TENT4A: variants seen among roughly 807,000 people sequenced by gnomAD.
TENT4A encodes terminal nucleotidyltransferase 4A.
A neutral mutation model predicts 72.8 loss-of-function variants in TENT4A; 7 were observed. The ratio of observed to expected loss-of-function variants is 0.10; its 90% CI spans 0.05 to 0.18. TENT4A has a LOEUF of 0.18. Among genes scored for constraint, TENT4A ranks in the 10% least tolerant of loss-of-function variants. The probability of loss-of-function intolerance (pLI) is 1.00; values close to 1 mark genes in which losing one functional copy is unlikely to be tolerated. For missense variants in TENT4A, 831 were observed against 1,017.7 expected (o/e 0.82, Z 2.50); for synonymous variants, 456 against 434.3 (o/e 1.05, Z -0.62).
Position 6,753,028 on chromosome 5 carries a change from G to A in TENT4A, c.2175G>A (p.Leu725=), listed in dbSNP as rs775468698. The A allele has an allele frequency of 4.3e-6, 7 of 1,613,842 alleles. No individual in the cohort carries two copies. The Admixed American group carries it at 1.0e-4, about 23-fold the overall frequency. ...ASPNPLSSPH[L]YHKQHNGMKL... ...CCAACCCGCTCTCGAGCCCTCATCT[G>A]TATCATAAGGTATAGCTCTGTCCTG... The change falls in exon 12 of 13, where the codon CTG becomes CTA. Residue 725 remains leucine, a synonymous_variant. Transcript: ENST00000230859.
chr5:6,735,759 CTTT>C (rs1159786956), intron 1 of TENT4A, among the ~76,000 whole-genome samples: 6 of 139,330 alleles, frequency 4.3e-5, no homozygotes, highest in Admixed American at 7.1e-5. Context: ...TTTTTTCTTA[CTTT>C]TTTTTTTTTT....
intron 10 of TENT4A, 106 bp from the exon 11 acceptor site, chr5:6,750,933 T>C: frequency 1.6e-6 from 2 of 1,277,750 alleles, no homozygotes; most frequent in Non-Finnish European, 2.2e-6. Flanking sequence ...TTGAATAACC[T>C]TTCATAGCCA....
chr5:6,743,610 G>A, intron 5 of TENT4A, 102 bp from the exon 6 acceptor site: 1 of 935,938 alleles, frequency 1.1e-6, no homozygotes, highest in East Asian at 2.5e-5. Flanking sequence ...TGGGCAAGAG[G>A]ATCGAGGAAA....
At chr5:6,727,904 G>A (rs769156148) in intron 1 of TENT4A, among the ~76,000 whole-genome samples, 19 of 152,168 alleles carry the variant, frequency 1.2e-4, no homozygotes, top group Non-Finnish European at 1.9e-4. Flanking sequence ...TGCAGACCAC[G>A]AATCCCATCT....
Position 6,714,191 on chromosome 5 carries a change from G to C in TENT4A, c.208G>C (p.Ala70Pro). 1 of 932,206 alleles carries C rather than the reference G, an allele frequency of 1.1e-6. No homozygotes were observed. The allele number at this position is 932,206 out of a possible 1,614,324, so 57.7% of individuals were successfully genotyped here. Reference protein sequence around the residue: ...GSGGLGPALPAASPPPPGPTA... With the variant: ...GSGGLGPALPPASPPPPGPTA... ...TGGCGGCCTGGGCCCCGCGCTGCCC[G>C]CCGCGTCGCCCCCGCCGCCCGGCCC... The change falls in exon 1 of 13, where the codon GCC becomes CCC. Residue 70 changes from alanine to proline, a missense_variant. By Grantham distance (27) the Ala-to-Pro change is conservative. Around this residue, in one of 3 missense-constraint regions of TENT4A, gnomAD observed 302 missense variants for 293.8 expected, o/e 1.03. Transcript: ENST00000230859.
intron 1 of TENT4A, among the ~76,000 whole-genome samples, chr5:6,722,882 A>G (rs1457050353): frequency 2.0e-5 from 3 of 152,224 alleles, no homozygotes; most frequent in Non-Finnish European, 1.5e-5. Flanking sequence ...AGATGGAATA[A>G]TTCTATTTTT....
At chr5:6,747,245 G>A (rs1410386946) in intron 7 of TENT4A, among the ~76,000 whole-genome samples, 5 of 152,172 alleles carry the variant, frequency 3.3e-5, no homozygotes, top group Admixed American at 1.3e-4. Context: ...AGCTCCAGGC[G>A]CGTGTCCCTG....
At chr5:6,733,155 G>C (rs1394118859) in intron 1 of TENT4A, among the ~76,000 whole-genome samples, 1 of 152,268 alleles carries the variant, frequency 6.6e-6, no homozygotes, top group Non-Finnish European at 1.5e-5. Context: ...GAGAGTGCCA[G>C]CCTAATGTGT....
At position 6,746,404 on chromosome 5, in the gene TENT4A, G is replaced by A. The variant is rs1742097207; in HGVS notation, c.1436G>A (p.Cys479Tyr). The A allele has an allele frequency of 6.2e-7, 1 of 1,614,172 alleles. No individual in the cohort carries two copies. The highest frequency in any genetic ancestry group is 8.5e-7 in the Non-Finnish European group (1 of 1,180,024). ...AGCGGGTACAGACCGTCGATGCTGT[G>A]CATTGAGGACCCCCTGCTGCCAGGT... ...MTSGYRPSML[C>Y]IEDPLLPGND... The change falls in exon 7 of 13, where the codon TGC (cysteine) becomes TAC (tyrosine). Residue 479 changes from cysteine to tyrosine, a missense_variant. By Grantham distance (194) the Cys-to-Tyr change is radical (BLOSUM62 -2). Coordinates refer to ENST00000230859, the MANE Select transcript of TENT4A (RefSeq NM_006999.6).
In TENT4A at chr5:6,715,944, A is replaced by G. The variant is rs1280500299; in HGVS notation, c.716+1245A>G. 3.3e-5 allele frequency among the ~76,000 whole-genome samples: 5 copies of G among 152,264 alleles called. No homozygotes were observed. The East Asian group carries it at 9.6e-4, about 29-fold the overall frequency. Reference sequence around the variant, plus strand: ...AACTTTCTGAGAGCAGGTGGTTGGGAGCAGTTTCTTCTTGATGAATAGCAA... The same window carrying G: ...AACTTTCTGAGAGCAGGTGGTTGGGGGCAGTTTCTTCTTGATGAATAGCAA... On this transcript the variant is annotated intron_variant, in intron 1 of 12. Coordinates refer to ENST00000230859, the MANE Select transcript of TENT4A (RefSeq NM_006999.6).
intron 3 of TENT4A, 26 bp downstream of exon 3, chr5:6,738,755 G>T (rs1741638282): frequency 1.3e-6 from 2 of 1,561,460 alleles, no homozygotes; most frequent in African/African-American, 2.7e-5. Flanking sequence ...CATGGCATGG[G>T]CTAGTGGGGG....
chr5:6,733,780 G>A (rs1741325937), intron 1 of TENT4A, among the ~76,000 whole-genome samples: 1 of 152,210 alleles, frequency 6.6e-6, no homozygotes. Flanking sequence ...GAGGTATGTT[G>A]TAGTTTGCGC....
intron 1 of TENT4A, among the ~76,000 whole-genome samples, chr5:6,716,335 T>C (rs372806965): frequency 6.6e-6 from 1 of 152,154 alleles, no homozygotes; most frequent in African/African-American, 2.4e-5. Flanking sequence ...AAGTGCCCCC[T>C]GCCTAGAGCA....
At position 6,751,065 on chromosome 5, in the gene TENT4A, G is replaced by A. The variant is rs375442105; in HGVS notation, c.1887G>A (p.Thr629=). The part of the protein sequence containing the change: ...DVDSDTPPCT[T]PSVYQFSLQA... ...ATTCAGACACACCGCCCTGCACAAC[G>A]CCCAGTGTTTACCAGTTCAGTCTGC... Residue 629 remains threonine, a synonymous_variant, in exon 11 of 13, where the codon ACG becomes ACA. Coordinates refer to ENST00000230859, the MANE Select transcript of TENT4A (RefSeq NM_006999.6). The A allele has an allele frequency of 6.7e-5, 108 of 1,613,836 alleles. No homozygotes were observed. Among genetic ancestry groups the A allele is most frequent in the African/African-American group, 2.7e-5 (2 of 74,900 alleles).
intron 5 of TENT4A, 126 bp from the exon 6 acceptor site, chr5:6,743,586 T>G: frequency 1.4e-6 from 1 of 720,158 alleles, no homozygotes; most frequent in Non-Finnish European, 2.3e-6. Flanking sequence ...ACTTAATGAC[T>G]GAGAGCCTTC....
chr5:6,717,700 T>G (rs888675251), intron 1 of TENT4A, among the ~76,000 whole-genome samples: 1 of 152,242 alleles, frequency 6.6e-6, no homozygotes, highest in Non-Finnish European at 1.5e-5. Flanking sequence ...AGCTGTGCTA[T>G]CTACCTGGGC....
chr5:6,748,735 CCTT>C (rs1742240251), intron 8 of TENT4A, 145 bp downstream of exon 8: 1 of 825,890 alleles, frequency 1.2e-6, no homozygotes, highest in African/African-American at 1.7e-5. Flanking sequence ...TGAAGGAAGG[CCTT>C]CTAGGAATAT....
chr5:6,724,555 A>G (rs1367688732), intron 1 of TENT4A, among the ~76,000 whole-genome samples: 1 of 152,042 alleles, frequency 6.6e-6, no homozygotes, highest in Non-Finnish European at 1.5e-5. Flanking sequence ...GACAGGTGGA[A>G]GGATAGAGCA....
rs28381404 is a variant in TENT4A, at chr5:6,749,229, C to T, written c.1587-328C>T. On this transcript the variant is annotated intron_variant, in intron 8 of 12. Coordinates refer to ENST00000230859, the MANE Select transcript of TENT4A (RefSeq NM_006999.6). ...AGCTCTGGGCCCCATGTAGGGCACT[C>T]GTCTCGGTACCGTCTCCATTCTCGT... Among the ~76,000 whole-genome samples, 593 of 152,132 alleles carry T rather than the reference C, an allele frequency of 3.9e-3. 4 individuals are homozygous for T. The highest frequency in any genetic ancestry group is 0.014 in the African/African-American group (568 of 41,516).
Sources: gnomAD v4.1 joint callset for allele counts (sites outside exome capture counted in the v4.1 genomes callset) on GRCh38, gnomAD v4.1.1 for gene constraint, gnomAD v4.1.1 regional missense constraint, MANE v1.5 for transcripts, NCBI Gene and HGNC (gene_info 2026-07-23, HGNC 2026-07-21) for gene names.